Variants in DNAH7 observed in about 807,000 individuals in gnomAD.
DNAH7 encodes the protein dynein axonemal heavy chain 7, also known as axonemal beta dynein heavy chain 7.
A neutral mutation model predicts 444.6 loss-of-function variants in DNAH7; 397 were observed. The observed-to-expected ratio is 0.89, with a 90% CI of 0.82 to 0.97. The LOEUF (loss-of-function observed/expected upper bound fraction) is 0.97, where lower values mean the gene tolerates loss of function less well. Among genes scored for constraint, DNAH7 ranks in the 50% least tolerant of loss-of-function variants. DNAH7 has a pLI of 0.00. For synonymous variants in DNAH7, 1,636 were observed against 1,624.4 expected (o/e 1.01, Z -0.17); for missense variants, 4,902 against 4,800.8 (o/e 1.02, Z -0.62).
intron 51 of DNAH7, among the ~76,000 whole-genome samples, chr2:195,814,553 A>G (rs1697134621): frequency 6.6e-6 from 1 of 152,232 alleles, no homozygotes; most frequent in South Asian, 2.1e-4. Flanking sequence ...ATGTCTTTAA[A>G]TGGCAGACCA....
intron 63 of DNAH7, among the ~76,000 whole-genome samples, chr2:195,744,319 C>T (rs1190527017): frequency 1.3e-5 from 2 of 152,218 alleles, no homozygotes; most frequent in African/African-American, 4.8e-5. Context: ...GGAGGGGCGC[C>T]CGCCATTGCC....
intron 63 of DNAH7, among the ~76,000 whole-genome samples, chr2:195,750,387 T>C (rs558539591): frequency 3.9e-5 from 6 of 152,174 alleles, no homozygotes; most frequent in Non-Finnish European, 7.4e-5. Flanking sequence ...TTCAAAAACA[T>C]ATAACCCTGA....
At chr2:195,922,281 T>A (rs1226851683) in intron 23 of DNAH7, 84 bp from the exon 24 acceptor site, 1 of 774,314 alleles carries the variant, frequency 1.3e-6, no homozygotes, top group Admixed American at 2.3e-5. Flanking sequence ...GTAATAACCA[T>A]AATATAGACA....
At chr2:195,943,097 T>G (rs1346496034) in intron 19 of DNAH7, among the ~76,000 whole-genome samples, 1 of 152,144 alleles carries the variant, frequency 6.6e-6, no homozygotes, top group Non-Finnish European at 1.5e-5. Context: ...TGCCACCATG[T>G]AAGATGTGAC....
chr2:195,747,381 G>T (rs546894818), intron 63 of DNAH7, among the ~76,000 whole-genome samples: 2 of 152,264 alleles, frequency 1.3e-5, no homozygotes, highest in South Asian at 4.1e-4. Flanking sequence ...AGGACCAGAC[G>T]GATTCACAGC....
At chr2:195,911,823 T>C (rs1217039881) in intron 24 of DNAH7, among the ~76,000 whole-genome samples, 1 of 152,126 alleles carries the variant, frequency 6.6e-6, no homozygotes, top group African/African-American at 2.4e-5. Context: ...TTGCAGAGCC[T>C]CCCTGGAACA....
intron 17 of DNAH7, among the ~76,000 whole-genome samples, chr2:195,965,366 T>A (rs1240464317): frequency 6.6e-6 from 1 of 152,224 alleles, no homozygotes; most frequent in African/African-American, 2.4e-5. Context: ...GAATTCAGTT[T>A]GCCAGTATTT....
intron 17 of DNAH7, among the ~76,000 whole-genome samples, 171 bp from the exon 18 acceptor site, chr2:195,961,116 TTC>T (rs1691069500): frequency 6.6e-6 from 1 of 152,190 alleles, no homozygotes; most frequent in Non-Finnish European, 1.5e-5. Context: ...TCCTATTTAC[TTC>T]TTTTTTTAAT....
intron 31 of DNAH7, among the ~76,000 whole-genome samples, chr2:195,890,883 G>A (rs1210289802): frequency 1.3e-5 from 2 of 152,182 alleles, no homozygotes; most frequent in African/African-American, 4.8e-5. Context: ...GTAGTCAGAA[G>A]AAAGAAAACA....
At chr2:195,949,230 T>C (rs981029642) in intron 19 of DNAH7, among the ~76,000 whole-genome samples, 2 of 152,202 alleles carry the variant, frequency 1.3e-5, no homozygotes, top group African/African-American at 4.8e-5. Flanking sequence ...TCATGTCATC[T>C]GCAAACAGAG....
chr2:195,852,669 T>C lies in DNAH7; in HGVS notation c.8781+674A>G, dbSNP rs1699440455. Among the ~76,000 whole-genome samples the C allele has an allele frequency of 2.0e-5, 3 of 152,144 alleles. No individual in the cohort carries two copies. In the South Asian group the frequency reaches 6.2e-4, roughly 32 times the overall value. ...AGAAAGGCAGGAAGAATAATTAGGA[T>C]TAACTCCTAGGGTTAGATGTTCCGC... On this transcript the variant is annotated intron_variant, in intron 46 of 64. Transcript: ENST00000312428.
At chr2:195,819,156 T>C (rs1697352431) in intron 49 of DNAH7, among the ~76,000 whole-genome samples, 1 of 152,014 alleles carries the variant, frequency 6.6e-6, no homozygotes, top group Non-Finnish European at 1.5e-5. Context: ...AGTGTGCAGA[T>C]CAAGTGTCAG....
chr2:195,749,947 C>T (rs1039411833), intron 63 of DNAH7, among the ~76,000 whole-genome samples: 3 of 151,400 alleles, frequency 2.0e-5, no homozygotes, highest in African/African-American at 4.9e-5. Context: ...CTAACCTGCA[C>T]ATTGTGCACA....
At chr2:195,885,955 C>T (rs1701684587) in intron 34 of DNAH7, among the ~76,000 whole-genome samples, 186 bp downstream of exon 34, 1 of 152,194 alleles carries the variant, frequency 6.6e-6, no homozygotes. Context: ...TCATGACTCC[C>T]AGGCAAGAAG....
Position 195,799,376 on chromosome 2 carries a change from TAC to T in DNAH7, c.10271_10272del (p.Ser3424LysfsTer25). On this transcript the variant is annotated frameshift_variant, in exon 55 of 65. Transcript: ENST00000312428. LOFTEE classifies it high-confidence loss of function. ...ACGAAAATCAGTGGTGCACAGCAGT[TAC>T]TGTCTCCAAATGCCTTGGCTAAATC... The part of the protein sequence containing the change: ...PFDLAKAFGD[S>X]NCCAPLIFVL... The T allele has an allele frequency of 6.2e-7, 1 of 1,612,882 alleles. No homozygotes were observed. Among genetic ancestry groups the T allele is most frequent in the Non-Finnish European group, 8.5e-7 (1 of 1,179,430 alleles).
rs117596234 is a variant in DNAH7, at chr2:196,010,077, T to C, written c.989+2710A>G. 0.02 allele frequency among the ~76,000 whole-genome samples: 3,020 copies of C among 152,066 alleles called. 242 individuals carry two copies. The East Asian group carries it at 0.27, about 13-fold the overall frequency. ...ACAATAACAGATGCTGGCAAGGATG[T>C]AGAGAAAGAACTCTTTCCTTCCTTC... On this transcript the variant is annotated intron_variant, in intron 10 of 64. Coordinates refer to ENST00000312428, the MANE Select transcript of DNAH7 (RefSeq NM_018897.3).
At chr2:195,901,711 G>T (rs1002696671) in intron 27 of DNAH7, 1 of 152,028 alleles carries the variant, frequency 6.6e-6, no homozygotes, top group South Asian at 2.1e-4. Flanking sequence ...TATCCATTTT[G>T]AGATATTTTT....
intron 24 of DNAH7, among the ~76,000 whole-genome samples, chr2:195,916,396 T>C (rs1687675100): frequency 6.6e-6 from 1 of 152,110 alleles, no homozygotes; most frequent in Non-Finnish European, 1.5e-5. Context: ...TTACAGTAGG[T>C]AGTCAGTCAG....
At chr2:196,058,543 A>G (rs533026573) in intron 1 of DNAH7, among the ~76,000 whole-genome samples, 15 of 152,326 alleles carry the variant, frequency 9.8e-5, no homozygotes, top group African/African-American at 3.6e-4. Context: ...AATTGTATTT[A>G]ATATAATTGT....
Sources: gnomAD v4.1 joint callset for allele counts (sites outside exome capture counted in the v4.1 genomes callset) on GRCh38, gnomAD v4.1.1 for gene constraint, MANE v1.5 for transcripts, NCBI Gene and HGNC (gene_info 2026-07-23, HGNC 2026-07-21) for gene names.